PTPRT: variants seen among roughly 807,000 people sequenced by gnomAD.
The protein encoded by PTPRT is receptor-type tyrosine-protein phosphatase T.
A neutral mutation model predicts 176.8 loss-of-function variants in PTPRT; 56 were observed. That is an observed-to-expected ratio of 0.32 (90% CI 0.26 to 0.40). The LOEUF (loss-of-function observed/expected upper bound fraction) is 0.40. Among genes scored for constraint, PTPRT ranks in the 10% least tolerant of loss-of-function variants. PTPRT has a pLI of 1.00. For missense variants in PTPRT, 1,540 were observed against 1,908.2 expected, an observed-to-expected ratio of 0.81 and a Z score of 3.60; for synonymous variants, 783 against 739.0, an observed-to-expected ratio of 1.06 and a Z score of -0.96.
chr20:42,182,904 AG>A (rs1240566403), intron 16 of PTPRT, among the ~76,000 whole-genome samples: 8 of 88,078 alleles, frequency 9.1e-5, no homozygotes, highest in African/African-American at 3.4e-4. Context: ...TCCTACAAGC[AG>A]GGGTGTGTGT....
rs577622455 is a variant in PTPRT at position 42,288,086 on chromosome 20, T to C, written c.2140-5561A>G. Reference sequence around the variant, plus strand: ...AAACAGACTAAATCTTAATAATTCTTGCACAATTAATTTGAAGTGCAATAT... The same window carrying C: ...AAACAGACTAAATCTTAATAATTCTCGCACAATTAATTTGAAGTGCAATAT... On this transcript the variant is annotated intron_variant, in intron 12 of 30. Coordinates refer to ENST00000373187, the MANE Select transcript of PTPRT (RefSeq NM_007050.6). Among the ~76,000 whole-genome samples the C allele has an allele frequency of 1.2e-4, 19 of 152,140 alleles. 1 individual carries two copies. In the South Asian group the frequency reaches 2.5e-3, roughly 20 times the overall value.
intron 1 of PTPRT, among the ~76,000 whole-genome samples, chr20:43,142,616 AAG>A (rs1057369487): frequency 7.8e-5 from 4 of 50,990 alleles, no homozygotes; most frequent in Non-Finnish European, 2.2e-4. Context: ...GGTAAATAAC[AAG>A]AGCTATAGCT....
intron 11 of PTPRT, among the ~76,000 whole-genome samples, chr20:42,345,580 ATATGTGTGTGTG>A (rs1337876775): frequency 2.3e-5 from 2 of 86,456 alleles, no homozygotes; most frequent in South Asian, 4.5e-4. Flanking sequence ...ACATACATAT[ATATGTGTGTGTG>A]TGTGTGTGTG....
chr20:42,334,120 CA>C (rs2058007034), intron 11 of PTPRT, among the ~76,000 whole-genome samples: 1 of 152,114 alleles, frequency 6.6e-6, no homozygotes, highest in South Asian at 2.1e-4. Flanking sequence ...GTGAATCATA[CA>C]TTTTTTTAAA....
chr20:42,705,031 C>T (rs548586248), intron 6 of PTPRT, among the ~76,000 whole-genome samples: 1 of 152,020 alleles, frequency 6.6e-6, no homozygotes, highest in African/African-American at 2.4e-5. Flanking sequence ...CATGGAGAAA[C>T]CCCATCTCTA....
In PTPRT at chr20:42,965,970, G is replaced by T. The variant is rs181834110; in HGVS notation, c.89-80038C>A. On this transcript the variant is annotated intron_variant, in intron 1 of 30. Coordinates refer to ENST00000373187, the MANE Select transcript of PTPRT (RefSeq NM_007050.6). Reference sequence around the variant, plus strand: ...TTACAAAGCTAGAAGGTGCAGAAAAGTGTGTCACTAAACACCGGAGAAGAC... The same window carrying T: ...TTACAAAGCTAGAAGGTGCAGAAAATTGTGTCACTAAACACCGGAGAAGAC... Among the ~76,000 whole-genome samples the T allele has an allele frequency of 1.2e-3, 187 of 152,314 alleles. 1 individual carries two copies. Among genetic ancestry groups the T allele is most frequent in the Non-Finnish European group, 2.4e-3 (161 of 68,034 alleles).
intron 7 of PTPRT, among the ~76,000 whole-genome samples, chr20:42,479,181 A>G (rs959227610): frequency 6.6e-6 from 1 of 152,248 alleles, no homozygotes; most frequent in African/African-American, 2.4e-5. Context: ...GAAGCAGCAA[A>G]ACAGATTTTC....
intron 2 of PTPRT, among the ~76,000 whole-genome samples, chr20:42,870,637 A>T (rs2078829224): frequency 6.6e-6 from 1 of 152,240 alleles, no homozygotes; most frequent in Non-Finnish European, 1.5e-5. Context: ...ATGTTCACAC[A>T]ATGATGAAAT....
intron 4 of PTPRT, among the ~76,000 whole-genome samples, chr20:42,773,523 T>C (rs1219191523): frequency 1.3e-5 from 2 of 152,158 alleles, no homozygotes; most frequent in Non-Finnish European, 2.9e-5. Flanking sequence ...TCAGGCTACC[T>C]TTGAGCCACC....
chr20:42,566,434 T>C (rs1183781177), intron 7 of PTPRT, among the ~76,000 whole-genome samples: 2 of 152,162 alleles, frequency 1.3e-5, no homozygotes, highest in Non-Finnish European at 2.9e-5. Context: ...CAGCTGACTT[T>C]AACGTTTTTA....
At chr20:42,643,408 C>T (rs768859206) in intron 7 of PTPRT, among the ~76,000 whole-genome samples, 15 of 152,058 alleles carry the variant, frequency 9.9e-5, no homozygotes, top group Non-Finnish European at 2.2e-4. Flanking sequence ...GCAGCCTCAA[C>T]CTCCCAGGTT....
At chr20:43,011,039 G>T (rs1985091569) in intron 1 of PTPRT, among the ~76,000 whole-genome samples, 1 of 152,146 alleles carries the variant, frequency 6.6e-6, no homozygotes, top group Admixed American at 6.5e-5. Context: ...AAGAAAACGT[G>T]GGCCATCCTC....
At chr20:42,453,339 T>C (rs1178307254) in intron 8 of PTPRT, among the ~76,000 whole-genome samples, 1 of 152,130 alleles carries the variant, frequency 6.6e-6, no homozygotes, top group Non-Finnish European at 1.5e-5. Flanking sequence ...TGCCCCTCAG[T>C]TAAAAATGTT....
chr20:42,230,547 T>C (rs6030073), intron 15 of PTPRT, among the ~76,000 whole-genome samples: 48,005 of 152,066 alleles, frequency 0.32, 8,744 homozygotes, highest in East Asian at 0.39. Context: ...CAGAGAGGCA[T>C]TTTTGTCAGC....
At chr20:42,542,577 C>T (rs1030619842) in intron 7 of PTPRT, among the ~76,000 whole-genome samples, 28 of 152,114 alleles carry the variant, frequency 1.8e-4, no homozygotes, top group African/African-American at 6.5e-4. Context: ...AGAGCTGAGA[C>T]GTGACACAAT....
chr20:43,139,668 G>C (rs1167494877), intron 1 of PTPRT, among the ~76,000 whole-genome samples: 2 of 152,204 alleles, frequency 1.3e-5, no homozygotes, highest in African/African-American at 4.8e-5. Context: ...GAGGGAGGGA[G>C]GTGTTCTTCC....
At chr20:42,657,439 G>A (rs182312431) in intron 7 of PTPRT, among the ~76,000 whole-genome samples, 32 of 152,220 alleles carry the variant, frequency 2.1e-4, no homozygotes, top group African/African-American at 6.5e-4. Flanking sequence ...TTAGTTGTTC[G>A]TTCATGGTCT....
chr20:42,851,303 C>G (rs918784162), intron 2 of PTPRT, among the ~76,000 whole-genome samples: 5 of 152,130 alleles, frequency 3.3e-5, no homozygotes, highest in African/African-American at 1.2e-4. Flanking sequence ...ATCTAAAGAT[C>G]CATGAAGACT....
chr20:43,090,328 C>T (rs564564831), intron 1 of PTPRT, among the ~76,000 whole-genome samples: 23 of 150,330 alleles, frequency 1.5e-4, no homozygotes, highest in Admixed American at 2.7e-4. Flanking sequence ...AGTGCAGTGG[C>T]GCCATCTCAG....
Sources: allele counts gnomAD v4.1 joint callset (sites outside exome capture counted in the v4.1 genomes callset), GRCh38; gene constraint gnomAD v4.1.1; transcripts MANE v1.5; gene names NCBI Gene and HGNC (gene_info 2026-07-23, HGNC 2026-07-21).